SEZ6L: variants seen among roughly 807,000 people sequenced by gnomAD.
SEZ6L encodes the protein seizure related 6 homolog like.
In SEZ6L, 37 loss-of-function variants were observed where a neutral mutation model predicts 106.2. The observed-to-expected ratio is 0.35, with a 90% CI of 0.27 to 0.46. The LOEUF (loss-of-function observed/expected upper bound fraction) is 0.46. SEZ6L is among the 20% of genes least tolerant of loss of function. The pLI is 1.00. For synonymous variants in SEZ6L, 541 were observed against 570.4 expected, an observed-to-expected ratio of 0.95 and a Z score of 0.73; for missense variants, 1,172 against 1,332.8, an observed-to-expected ratio of 0.88 and a Z score of 1.88.
rs200380172 is a variant in SEZ6L at position 26,294,342 on chromosome 22, G to A, written c.886G>A (p.Asp296Asn). The change falls in exon 3 of 17, where the codon GAC (aspartate) becomes AAC (asparagine). Residue 296 changes from aspartate (D) to asparagine (N), a missense_variant. By Grantham distance (23) the Asp-to-Asn change is conservative. This residue lies in a region of SEZ6L where 494 missense variants were observed against 445.8 expected (regional missense o/e 1.11). Coordinates refer to ENST00000248933, the MANE Select transcript of SEZ6L (RefSeq NM_021115.5). ...SNPEGYIDSS[D>N]YPLLPLNNFL... is the part of the protein sequence containing the mutation. ...TCCTGAGGGGTACATTGACTCCAGC[G>A]ACTACCCACTGCTGCCCCTCAACAA... is the stretch of plus-strand genomic sequence containing the variant. The A allele has an allele frequency of 7.4e-6, 12 of 1,614,066 alleles. No individual in the cohort carries two copies. In the African/African-American group the frequency reaches 1.2e-4, roughly 16 times the overall value.
At chr22:26,330,067 T>A (rs890188419) in intron 9 of SEZ6L, among the ~76,000 whole-genome samples, 5 of 152,218 alleles carry the variant, frequency 3.3e-5, no homozygotes, top group Non-Finnish European at 5.9e-5. Flanking sequence ...ATCTGGAAAA[T>A]GGACATAAAT....
intron 1 of SEZ6L, among the ~76,000 whole-genome samples, chr22:26,261,169 C>G (rs548436687): frequency 6.6e-6 from 1 of 152,240 alleles, no homozygotes; most frequent in East Asian, 1.9e-4. Flanking sequence ...AAGATTTTCT[C>G]TCACTCTGTG....
intron 1 of SEZ6L, among the ~76,000 whole-genome samples, chr22:26,280,028 A>T (rs1380680993): frequency 6.6e-6 from 1 of 152,210 alleles, no homozygotes; most frequent in African/African-American, 2.4e-5. Context: ...AATAAAAAAA[A>T]TAAAAAGTGA....
chr22:26,221,919 C>A (rs941046528), intron 1 of SEZ6L, among the ~76,000 whole-genome samples: 1 of 152,148 alleles, frequency 6.6e-6, no homozygotes, highest in Non-Finnish European at 1.5e-5. Context: ...TTAGAAAGGG[C>A]CTTATTGCAG....
intron 9 of SEZ6L, among the ~76,000 whole-genome samples, chr22:26,336,406 G>T (rs530656443): frequency 6.6e-6 from 1 of 152,038 alleles, no homozygotes; most frequent in African/African-American, 2.4e-5. Context: ...CCTTCTTCTT[G>T]TCTCATTTCC....
rs867362972 is a variant in SEZ6L, at chr22:26,292,580, C to T, written c.269C>T (p.Pro90Leu). 3 of 1,613,816 alleles carry T rather than the reference C, an allele frequency of 1.9e-6. 1 individual carries two copies. Residue 90 changes from proline (P) to leucine (L), a missense_variant, in exon 2 of 17, where the codon CCC (proline) becomes CTC (leucine). Physicochemically the swap from Pro to Leu is moderately conservative, Grantham distance 98. Transcript: ENST00000248933. ...LGELVLDGTAPSAHHDIPALS... is the reference protein window; with the variant it reads ...LGELVLDGTALSAHHDIPALS... ...GAGCTGGTGCTGGATGGGACCGCAC[C>T]CTCTGCACATCACGACATCCCAGCC... is the stretch of plus-strand genomic sequence containing the variant.
At chr22:26,331,104 C>G (rs1056329418) in intron 9 of SEZ6L, among the ~76,000 whole-genome samples, 1 of 152,218 alleles carries the variant, frequency 6.6e-6, no homozygotes, top group Non-Finnish European at 1.5e-5. Context: ...ACCACCTGCT[C>G]CCCACATCCA....
At chr22:26,336,830 T>A (rs1270262656) in intron 9 of SEZ6L, among the ~76,000 whole-genome samples, 1 of 152,112 alleles carries the variant, frequency 6.6e-6, no homozygotes, top group Non-Finnish European at 1.5e-5. Flanking sequence ...CATTGCCAAA[T>A]GTCACCTGTG....
At chr22:26,349,290 C>A (rs1316175400) in intron 11 of SEZ6L, among the ~76,000 whole-genome samples, 1 of 152,164 alleles carries the variant, frequency 6.6e-6, no homozygotes, top group East Asian at 1.9e-4. Context: ...ATTTCATTAA[C>A]CTTTCATTGG....
chr22:26,216,116 C>A (rs1420133661), intron 1 of SEZ6L, among the ~76,000 whole-genome samples: 1 of 151,854 alleles, frequency 6.6e-6, no homozygotes, highest in Non-Finnish European at 1.5e-5. Context: ...AAGCAAAGCC[C>A]AGAGAGGAAG....
intron 1 of SEZ6L, among the ~76,000 whole-genome samples, chr22:26,251,566 T>C (rs1373590068): frequency 1.3e-5 from 2 of 152,168 alleles, no homozygotes; most frequent in Non-Finnish European, 2.9e-5. Flanking sequence ...CTTGGGTTTG[T>C]GTATTTGGGG....
At position 26,305,944 on chromosome 22, in the gene SEZ6L, C is replaced by T. The variant is rs771439964; in HGVS notation, c.1349-35C>T. 8 of 1,521,614 alleles carry T rather than the reference C, an allele frequency of 5.3e-6. No individual in the cohort carries two copies. In the South Asian group the frequency reaches 9.0e-5, roughly 17 times the overall value. 94.3% of individuals were successfully genotyped at this position (1,521,614 alleles called of 1,614,324 possible). A position where few individuals can be genotyped will look rare whatever the true frequency, so the allele number is the denominator to read the frequency against. ...TCTCCTCTCTCTCTCCCTCTCTGCT[C>T]TCTCCCATTGCCCACCCACCCCTTT... On this transcript the variant is annotated intron_variant, in intron 5 of 16. Coordinates refer to ENST00000248933, the MANE Select transcript of SEZ6L (RefSeq NM_021115.5).
At chr22:26,350,566 C>T (rs2083241121) in intron 11 of SEZ6L, among the ~76,000 whole-genome samples, 1 of 151,552 alleles carries the variant, frequency 6.6e-6, no homozygotes, top group Non-Finnish European at 1.5e-5. Flanking sequence ...GAATTAAATT[C>T]AAGGCTATTT....
intron 1 of SEZ6L, among the ~76,000 whole-genome samples, chr22:26,189,580 C>G (rs1411264270): frequency 1.3e-5 from 2 of 149,902 alleles, no homozygotes; most frequent in African/African-American, 2.5e-5. Flanking sequence ...TATACTATAA[C>G]AACTATTTAC....
chr22:26,299,696 T>C lies in SEZ6L; in HGVS notation c.1348+527T>C, dbSNP rs144848443. Among the ~76,000 whole-genome samples the C allele has an allele frequency of 9.8e-3, 1,491 of 152,376 alleles. 19 individuals are homozygous for C. The highest frequency in any genetic ancestry group is 0.034 in the African/African-American group (1,422 of 41,598). On this transcript the variant is annotated intron_variant, in intron 5 of 16. Coordinates refer to ENST00000248933, the MANE Select transcript of SEZ6L (RefSeq NM_021115.5). ...GCTGAATAATATTCCATTGTATGGATGTCCCACATTTTGTTGACCTGTTTA... is the reference window on the plus strand; with the variant it reads ...GCTGAATAATATTCCATTGTATGGACGTCCCACATTTTGTTGACCTGTTTA...
chr22:26,300,481 A>G (rs2081420729), intron 5 of SEZ6L, among the ~76,000 whole-genome samples: 1 of 152,228 alleles, frequency 6.6e-6, no homozygotes, highest in South Asian at 2.1e-4. Flanking sequence ...AAAGGACATG[A>G]ACTCATCATT....
At position 26,305,853 on chromosome 22, in the gene SEZ6L, G is replaced by T. The variant is rs1403029156; in HGVS notation, c.1349-126G>T. On this transcript the variant is annotated intron_variant, in intron 5 of 16. Coordinates refer to ENST00000248933, the MANE Select transcript of SEZ6L (RefSeq NM_021115.5). ...TGTTTCATCCTGGGCAAGGGGCAGG[G>T]GTGGGGATCAGGGGAGAATGAAACA... The T allele has an allele frequency of 4.0e-6, 4 of 1,009,502 alleles. No homozygotes were observed. The East Asian group carries it at 1.1e-4, about 27-fold the overall frequency. 62.5% of individuals were successfully genotyped at this position (1,009,502 alleles called of 1,614,324 possible).
At chr22:26,222,928 A>G (rs2145727818) in intron 1 of SEZ6L, among the ~76,000 whole-genome samples, 1 of 152,108 alleles carries the variant, frequency 6.6e-6, no homozygotes, top group African/African-American at 2.4e-5. Context: ...ACCGGCATCT[A>G]CTGTGTAGAG....
chr22:26,348,513 AGAAGGAAGGAAGGAAGGAAGGAAGGAAG>A (rs200858250), intron 11 of SEZ6L, among the ~76,000 whole-genome samples: 1 of 33,166 alleles, frequency 3.0e-5, no homozygotes, highest in Non-Finnish European at 4.8e-5. Context: ...TGGGAGAGAG[AGAAGGAAGGAAGGAAGGAAGGAAGGAAG>A]GAAGGAAGGA....
Sources: allele counts gnomAD v4.1 joint callset (sites outside exome capture counted in the v4.1 genomes callset), GRCh38; gene constraint gnomAD v4.1.1; regional missense constraint gnomAD v4.1.1; transcripts MANE v1.5; gene names NCBI Gene and HGNC (gene_info 2026-07-23, HGNC 2026-07-21).